The following SPHKAP variants were observed in gnomAD, a reference collection of about 807,000 sequenced individuals.
SPHKAP encodes the protein A-kinase anchor protein SPHKAP.
In SPHKAP, 67 loss-of-function variants were observed where a neutral mutation model predicts 137.5. The observed-to-expected ratio is 0.49, with a 90% CI of 0.40 to 0.60. SPHKAP has a LOEUF of 0.60. Among genes scored for constraint, SPHKAP ranks in the 20% least tolerant of loss-of-function variants. The probability of loss-of-function intolerance (pLI) is 0.00; values close to 1 mark genes in which losing one functional copy is unlikely to be tolerated. For missense variants in SPHKAP, 2,097 were observed against 2,069.3 expected, an observed-to-expected ratio of 1.01 and a Z score of -0.26; for synonymous variants, 813 against 785.3, an observed-to-expected ratio of 1.04 and a Z score of -0.59.
chr2:228,111,453 A>G (rs1438966938), intron 2 of SPHKAP, among the ~76,000 whole-genome samples: 1 of 152,164 alleles, frequency 6.6e-6, no homozygotes, highest in Non-Finnish European at 1.5e-5. Context: ...GAAAAGGATA[A>G]TAGAACATTG....
chr2:228,169,605 G>A (rs140462937), intron 1 of SPHKAP: 1 of 152,084 alleles, frequency 6.6e-6, no homozygotes, highest in African/African-American at 2.4e-5. Context: ...AATGTACCTT[G>A]TCACCCAAGA....
intron 7 of SPHKAP, among the ~76,000 whole-genome samples, chr2:227,999,747 CATTTT>C (rs1693778393): frequency 6.6e-6 from 1 of 152,152 alleles, no homozygotes; most frequent in South Asian, 2.1e-4. Context: ...CACTAGTTTT[CATTTT>C]GAGAGAAATT....
intron 3 of SPHKAP, among the ~76,000 whole-genome samples, chr2:228,061,159 T>G (rs2106286752): frequency 6.6e-6 from 1 of 152,360 alleles, no homozygotes; most frequent in South Asian, 2.1e-4. Context: ...ACAGCAGATG[T>G]GCTCTGTTGG....
chr2:228,085,883 T>C (rs1001341923), intron 3 of SPHKAP, among the ~76,000 whole-genome samples: 1 of 152,186 alleles, frequency 6.6e-6, no homozygotes, highest in Non-Finnish European at 1.5e-5. Context: ...TGAGATGTTC[T>C]TCCTCATTGA....
chr2:228,084,324 A>G (rs1211762238), intron 3 of SPHKAP, among the ~76,000 whole-genome samples: 4 of 152,220 alleles, frequency 2.6e-5, no homozygotes, highest in Non-Finnish European at 5.9e-5. Flanking sequence ...TAATGGTTAT[A>G]TCAACAGTAG....
chr2:228,014,381 A>T (rs779792874), intron 7 of SPHKAP, among the ~76,000 whole-genome samples: 5 of 152,234 alleles, frequency 3.3e-5, no homozygotes, highest in Non-Finnish European at 7.3e-5. Context: ...TCACTTTAAA[A>T]AATTTGTAAT....
At chr2:228,007,400 T>C (rs1694183173) in intron 7 of SPHKAP, among the ~76,000 whole-genome samples, 1 of 152,172 alleles carries the variant, frequency 6.6e-6, no homozygotes, top group African/African-American at 2.4e-5. Context: ...TTCTGTGCAA[T>C]AGAGCACCAG....
chr2:228,118,390 C>G (rs1283495018), intron 2 of SPHKAP, among the ~76,000 whole-genome samples: 1 of 151,590 alleles, frequency 6.6e-6, no homozygotes, highest in East Asian at 1.9e-4. Context: ...TGGGTAAGTA[C>G]CCAAGAATGA....
chr2:228,052,515 C>T (rs140089091), intron 3 of SPHKAP, among the ~76,000 whole-genome samples: 1 of 152,122 alleles, frequency 6.6e-6, no homozygotes, highest in African/African-American at 2.4e-5. Flanking sequence ...GTGCTGGAAG[C>T]CAAAAGACAT....
At chr2:228,132,225 A>G (rs1252723316) in intron 1 of SPHKAP, 140 bp from the exon 2 acceptor site, 3 of 731,546 alleles carry the variant, frequency 4.1e-6, no homozygotes, top group Non-Finnish European at 6.9e-6. Context: ...CCCCCTGCTG[A>G]AATGGACATT....
intron 7 of SPHKAP, among the ~76,000 whole-genome samples, chr2:227,999,879 A>G (rs1371239055): frequency 6.6e-6 from 1 of 152,216 alleles, no homozygotes; most frequent in Non-Finnish European, 1.5e-5. Context: ...TCAGAAGACT[A>G]TGTCATATCA....
intron 3 of SPHKAP, among the ~76,000 whole-genome samples, chr2:228,102,745 G>T (rs13403690): frequency 0.29 from 42,743 of 146,304 alleles, 6,268 homozygotes; most frequent in Admixed American, 0.39. Flanking sequence ...AATTTTTTTT[G>T]TTGTTTGTTT....
chr2:228,092,312 T>TGC (rs1232613244), intron 3 of SPHKAP, among the ~76,000 whole-genome samples: 3 of 101,130 alleles, frequency 3.0e-5, no homozygotes, highest in African/African-American at 7.0e-5. Context: ...CACGTGTATG[T>TGC]GTGTGTATAC....
intron 2 of SPHKAP, among the ~76,000 whole-genome samples, chr2:228,109,956 C>A (rs1434172837): frequency 5.3e-3 from 300 of 56,194 alleles, no homozygotes; most frequent in South Asian, 0.022. Flanking sequence ...GAAAATGTCT[C>A]AAAAAAAAAA....
intron 2 of SPHKAP, among the ~76,000 whole-genome samples, chr2:228,115,749 A>C (rs893175780): frequency 1.3e-5 from 2 of 152,142 alleles, no homozygotes; most frequent in Non-Finnish European, 2.9e-5. Flanking sequence ...ATCATGAAGA[A>C]ATAAACATAG....
At chr2:228,148,030 T>C (rs142817939) in intron 1 of SPHKAP, among the ~76,000 whole-genome samples, 67 of 152,340 alleles carry the variant, frequency 4.4e-4, no homozygotes, top group African/African-American at 1.5e-3. Flanking sequence ...CTTTCCTGGA[T>C]GCCCTGTTGT....
At chr2:227,984,180 ATCACAGCTACTCAGGAGGCT>A (rs1693119158) in intron 11 of SPHKAP, among the ~76,000 whole-genome samples, 1 of 151,832 alleles carries the variant, frequency 6.6e-6, no homozygotes. Context: ...TGCACCTGTA[ATCACAGCTACTCAGGAGGCT>A]GAGGCAGGAG....
At chr2:228,065,923 C>T (rs982344831) in intron 3 of SPHKAP, among the ~76,000 whole-genome samples, 4 of 152,150 alleles carry the variant, frequency 2.6e-5, no homozygotes, top group East Asian at 1.9e-4. Context: ...GTCAACTATG[C>T]ACCAGAAATG....
chr2:228,094,400 T>C (rs1248881340), intron 3 of SPHKAP, among the ~76,000 whole-genome samples: 1 of 152,214 alleles, frequency 6.6e-6, no homozygotes, highest in Non-Finnish European at 1.5e-5. Flanking sequence ...TCATAGCTCT[T>C]GGGTTCTGCG....
Sources: gnomAD v4.1 joint callset for allele counts (sites outside exome capture counted in the v4.1 genomes callset) on GRCh38, gnomAD v4.1.1 for gene constraint, MANE v1.5 for transcripts, NCBI Gene and HGNC (gene_info 2026-07-23, HGNC 2026-07-21) for gene names.